Variants in MBTPS1 observed in about 807,000 individuals in gnomAD.
The protein encoded by MBTPS1 is membrane-bound transcription factor site-1 protease.
A neutral mutation model predicts 127.8 loss-of-function variants in MBTPS1; 94 were observed. The observed-to-expected ratio is 0.74, with a 90% CI of 0.62 to 0.87. MBTPS1 has a LOEUF of 0.87. MBTPS1 is among the 40% of genes least tolerant of loss of function. MBTPS1 has a pLI of 0.00. For missense variants in MBTPS1, 1,636 were observed against 1,353.2 expected (o/e 1.21, Z -3.28); for synonymous variants, 632 against 509.4 (o/e 1.24, Z -3.24).
chr16:84,087,280 A>C, intron 9 of MBTPS1, 78 bp downstream of exon 9: 1 of 1,112,496 alleles, frequency 9.0e-7, no homozygotes, highest in East Asian at 2.3e-5. Flanking sequence ...ATACACCCCA[A>C]GGCTCGTCAA....
At chr16:84,084,892 G>A in intron 10 of MBTPS1, 91 bp downstream of exon 10, 1 of 1,413,552 alleles carries the variant, frequency 7.1e-7, no homozygotes, top group Non-Finnish European at 9.7e-7. Context: ...ACCCAAGACA[G>A]GGCAGAAGCA....
At chr16:84,085,552 C>A (rs2086008034) in intron 9 of MBTPS1, among the ~76,000 whole-genome samples, 1 of 140,534 alleles carries the variant, frequency 7.1e-6, no homozygotes. Flanking sequence ...GAGATCCTGT[C>A]CCCCTCAGCC....
chr16:84,098,965 C>T, intron 3 of MBTPS1, 88 bp downstream of exon 3: 2 of 1,241,224 alleles, frequency 1.6e-6, no homozygotes, highest in Non-Finnish European at 1.2e-6. Flanking sequence ...GATGCGGATA[C>T]TCACTGTACT....
chr16:84,077,004 CGGCT>C (rs1567483874), intron 11 of MBTPS1, among the ~76,000 whole-genome samples: 2 of 152,008 alleles, frequency 1.3e-5, no homozygotes, highest in African/African-American at 4.8e-5. Context: ...GGCGGGAGGA[CGGCT>C]TGAGCCCAGG....
chr16:84,102,046 C>CCTG lies in MBTPS1; in HGVS notation c.-264_-263insCAG. 2.5e-6 allele frequency: 1 copy of CCTG among 399,256 alleles called. No homozygotes were observed. Among genetic ancestry groups the CCTG allele is most frequent in the South Asian group, 3.4e-5 (1 of 29,074 alleles). 24.7% of individuals were successfully genotyped at this position (399,256 alleles called of 1,614,324 possible). On this transcript the variant is annotated 5_prime_UTR_variant, in exon 2 of 23. Transcript: ENST00000343411. Reference sequence around the variant, plus strand: ...CAGGCCGTGACGACTGAGTCCTGTACTCCATTTGTACCACAGAACCAACGT... The same window carrying CCTG: ...CAGGCCGTGACGACTGAGTCCTGTACCTGTCCATTTGTACCACAGAACCAACGT...
At chr16:84,060,878 T>C (rs2085600957) in intron 19 of MBTPS1, 65 bp from the exon 20 acceptor site, 1 of 1,486,874 alleles carries the variant, frequency 6.7e-7, no homozygotes, top group Non-Finnish European at 9.1e-7. Flanking sequence ...CACGCTCTTG[T>C]CACCCAGTGC....
At chr16:84,105,029 G>C (rs1015609096) in intron 1 of MBTPS1, among the ~76,000 whole-genome samples, 3 of 151,894 alleles carry the variant, frequency 2.0e-5, no homozygotes, top group Non-Finnish European at 4.4e-5. Context: ...TTGAACCCAG[G>C]AGGCAGAGGT....
At chr16:84,092,791 A>G (rs973303424) in intron 6 of MBTPS1, among the ~76,000 whole-genome samples, 6 of 152,244 alleles carry the variant, frequency 3.9e-5, no homozygotes, top group African/African-American at 7.2e-5. Context: ...AGAGGTAAAT[A>G]AAACAGCTCA....
At position 84,095,592 on chromosome 16, in the gene MBTPS1, T is replaced by C. The variant is rs542361477; in HGVS notation, c.625+10A>G. The C allele has an allele frequency of 2.5e-5, 40 of 1,613,182 alleles. No individual in the cohort carries two copies. The highest frequency in any genetic ancestry group is 4.4e-5 in the South Asian group (4 of 91,060). ...TCCCATAAGCACCTTCCCTGGGTAA[T>C]AGCACACACCTGTATATCCCATCTG... On this transcript the variant is annotated intron_variant, in intron 4 of 22. Transcript: ENST00000343411.
At chr16:84,080,550 C>G (rs1372822050) in intron 11 of MBTPS1, among the ~76,000 whole-genome samples, 1 of 152,262 alleles carries the variant, frequency 6.6e-6, no homozygotes, top group Admixed American at 6.5e-5. Context: ...GGCTGACACC[C>G]GCAGCTGCCA....
At chr16:84,084,349 A>G (rs2085986834) in intron 10 of MBTPS1, among the ~76,000 whole-genome samples, 1 of 152,210 alleles carries the variant, frequency 6.6e-6, no homozygotes, top group Admixed American at 6.5e-5. Context: ...AGTGAGACAA[A>G]GCAGAGTGGT....
chr16:84,094,055 A>C (rs928707616), intron 4 of MBTPS1, among the ~76,000 whole-genome samples: 1 of 152,186 alleles, frequency 6.6e-6, no homozygotes, highest in African/African-American at 2.4e-5. Context: ...ATAAGATTTA[A>C]GGATAAGCAG....
chr16:84,060,688 T>C lies in MBTPS1; in HGVS notation c.2698A>G (p.Met900Val), dbSNP rs144315557. Reference sequence around the variant, plus strand: ...ATCCTGCCCATCCACTCACCTTCCATCCTCTCTGGAGTGACTGAGCCTGCT... The same window carrying C: ...ATCCTGCCCATCCACTCACCTTCCACCCTCTCTGGAGTGACTGAGCCTGCT... ...SGAGSVTPER[M>V]EGNHLHRYSK... is the part of the protein sequence containing the mutation. Residue 900 changes from methionine to valine, a missense_variant, in exon 20 of 23, where the codon ATG (methionine) becomes GTG (valine). Coordinates refer to ENST00000343411, the MANE Select transcript of MBTPS1 (RefSeq NM_003791.4). 96 of 1,613,470 alleles carry C rather than the reference T, an allele frequency of 5.9e-5. 1 individual carries two copies. The highest frequency in any genetic ancestry group is 7.6e-5 in the Non-Finnish European group (90 of 1,179,710).
At chr16:84,093,150 T>A in intron 6 of MBTPS1, 38 bp downstream of exon 6, 1 of 1,318,374 alleles carries the variant, frequency 7.6e-7, no homozygotes. Flanking sequence ...CATTTCAGTA[T>A]GAATTCCTCA....
At position 84,054,654 on chromosome 16, in the gene MBTPS1, G is replaced by C. The variant is rs778677157; in HGVS notation, c.2963-9C>G. ...GCGGCCAGGCATGATCCCTGTAAGA[G>C]GACAGCCGGTTGAACAGGCAGGAAC... On this transcript the variant is annotated splice_polypyrimidine_tract_variant and intron_variant, in intron 22 of 22. Coordinates refer to ENST00000343411, the MANE Select transcript of MBTPS1 (RefSeq NM_003791.4). 19 of 1,574,472 alleles carry C rather than the reference G, an allele frequency of 1.2e-5. No homozygotes were observed. In the South Asian group the frequency reaches 1.3e-4, roughly 10 times the overall value.
At chr16:84,100,985 C>T (rs1597347773) in intron 2 of MBTPS1, among the ~76,000 whole-genome samples, 2 of 132,914 alleles carry the variant, frequency 1.5e-5, no homozygotes, top group African/African-American at 3.0e-5. Context: ...GAAACCCCGT[C>T]TCTACTAAAA....
rs554336510 is a variant in MBTPS1, at chr16:84,074,376, G to A, written c.1593+221C>T. On this transcript the variant is annotated intron_variant, in intron 12 of 22. Coordinates refer to ENST00000343411, the MANE Select transcript of MBTPS1 (RefSeq NM_003791.4). ...CAGCCTCCTGTGTATCTGGGACCACGGGCACACACCACCATCCCTGGCTAA... is the reference window on the plus strand; with the variant it reads ...CAGCCTCCTGTGTATCTGGGACCACAGGCACACACCACCATCCCTGGCTAA... Among the ~76,000 whole-genome samples, 22 of 152,070 alleles carry A rather than the reference G, an allele frequency of 1.4e-4. 1 individual carries two copies. Among genetic ancestry groups the A allele is most frequent in the East Asian group, 7.8e-4 (4 of 5,156 alleles).
chr16:84,065,317 C>G (rs1393769499), intron 18 of MBTPS1, among the ~76,000 whole-genome samples: 1 of 152,118 alleles, frequency 6.6e-6, no homozygotes, highest in African/African-American at 2.4e-5. Context: ...CAGGGTTTCA[C>G]TGTGTTAGCC....
chr16:84,104,328 T>C (rs1421855111), intron 1 of MBTPS1, among the ~76,000 whole-genome samples: 1 of 151,654 alleles, frequency 6.6e-6, no homozygotes, highest in Non-Finnish European at 1.5e-5. Flanking sequence ...AAAAAAAACA[T>C]TAAAAATTAG....
Sources: allele counts gnomAD v4.1 joint callset (sites outside exome capture counted in the v4.1 genomes callset), GRCh38; gene constraint gnomAD v4.1.1; transcripts MANE v1.5; gene names NCBI Gene and HGNC (gene_info 2026-07-23, HGNC 2026-07-21).